NNT: variants seen among roughly 807,000 people sequenced by gnomAD.
NNT encodes the protein nicotinamide nucleotide transhydrogenase.
NNT carries 50 observed loss-of-function variants against 104.8 expected under a neutral mutation model. That is an observed-to-expected ratio of 0.48 (90% CI 0.38 to 0.60). The LOEUF is 0.60. Ranked by LOEUF, NNT falls within the 20% of genes least tolerant of loss-of-function variation. The probability of loss-of-function intolerance (pLI) is 0.00; values close to 1 mark genes in which losing one functional copy is unlikely to be tolerated. For missense variants in NNT, 1,131 were observed against 1,330.7 expected (o/e 0.85, Z 2.33); for synonymous variants, 461 against 490.4 (o/e 0.94, Z 0.79).
intron 2 of NNT, 27 bp from the exon 3 acceptor site, chr5:43,612,881 A>ATAT: frequency 7.4e-7 from 1 of 1,348,602 alleles, no homozygotes; most frequent in Admixed American, 1.9e-5. Context: ...CCAAATATAT[A>ATAT]TTTTTTTTGC....
At chr5:43,604,577 C>T (rs1749105314) in intron 1 of NNT, among the ~76,000 whole-genome samples, 5 of 152,188 alleles carry the variant, frequency 3.3e-5, no homozygotes, top group African/African-American at 1.2e-4. Context: ...ATACTGACTT[C>T]CTCTGTGTTG....
At chr5:43,666,298 G>A (rs1047108162) in intron 17 of NNT, among the ~76,000 whole-genome samples, 12 of 152,140 alleles carry the variant, frequency 7.9e-5, no homozygotes, top group African/African-American at 2.9e-4. Flanking sequence ...TCCAGCCTGG[G>A]CAACATTGAG....
chr5:43,683,753 A>T (rs935578110), intron 19 of NNT, among the ~76,000 whole-genome samples: 6 of 152,242 alleles, frequency 3.9e-5, no homozygotes, highest in African/African-American at 1.4e-4. Flanking sequence ...ATTTTAACTA[A>T]ATCTCTATAA....
intron 11 of NNT, 118 bp downstream of exon 11, chr5:43,649,426 T>A: frequency 8.4e-7 from 1 of 1,194,432 alleles, no homozygotes. Context: ...GGCATCTGAG[T>A]CATCTGCTTT....
intron 1 of NNT, among the ~76,000 whole-genome samples, chr5:43,603,921 C>T (rs1039778512): frequency 2.0e-5 from 3 of 152,056 alleles, no homozygotes; most frequent in African/African-American, 4.8e-5. Context: ...GCGGAGAGGG[C>T]GACCTGGGCA....
At chr5:43,618,707 C>A (rs560342300) in intron 4 of NNT, among the ~76,000 whole-genome samples, 6 of 152,246 alleles carry the variant, frequency 3.9e-5, no homozygotes, top group African/African-American at 1.4e-4. Flanking sequence ...TAAGAGAGTG[C>A]CTCTGTAGGC....
chr5:43,631,509 G>T (rs1035039902), intron 7 of NNT, among the ~76,000 whole-genome samples: 55 of 152,168 alleles, frequency 3.6e-4, no homozygotes, highest in African/African-American at 1.3e-3. Context: ...GATGTAACAA[G>T]TGGCCAGTAG....
intron 16 of NNT, among the ~76,000 whole-genome samples, chr5:43,657,193 T>C (rs1740100668): frequency 1.3e-5 from 2 of 152,166 alleles, no homozygotes; most frequent in Admixed American, 6.5e-5. Flanking sequence ...AGTAAGATAG[T>C]CTCTGCCCAC....
At chr5:43,610,482 A>G (rs989577695) in intron 2 of NNT, among the ~76,000 whole-genome samples, 1 of 152,116 alleles carries the variant, frequency 6.6e-6, no homozygotes, top group African/African-American at 2.4e-5. Context: ...TAAAAATGGC[A>G]TTTTCTTATT....
intron 6 of NNT, among the ~76,000 whole-genome samples, chr5:43,625,270 C>T (rs1750301007): frequency 6.6e-6 from 1 of 151,494 alleles, no homozygotes; most frequent in Non-Finnish European, 1.5e-5. Context: ...GGGTGAACTA[C>T]TGAGAATTTA....
At chr5:43,660,600 A>G (rs989393965) in intron 17 of NNT, among the ~76,000 whole-genome samples, 1 of 152,364 alleles carries the variant, frequency 6.6e-6, no homozygotes, top group Middle Eastern at 3.4e-3. Flanking sequence ...TATGAAGTAA[A>G]GAGGTTTAAT....
intron 16 of NNT, among the ~76,000 whole-genome samples, chr5:43,658,530 T>C (rs967612829): frequency 5.9e-5 from 9 of 152,200 alleles, no homozygotes; most frequent in Non-Finnish European, 1.3e-4. Context: ...TAAACTCAAA[T>C]TCCAAATTTT....
chr5:43,665,917 G>T (rs1158742973), intron 17 of NNT, among the ~76,000 whole-genome samples: 1 of 151,930 alleles, frequency 6.6e-6, no homozygotes, highest in Non-Finnish European at 1.5e-5. Flanking sequence ...CCCGGACGGG[G>T]TGGCGGCGGG....
At chr5:43,624,245 TA>T in intron 6 of NNT, 125 bp downstream of exon 6, 4 of 804,234 alleles carry the variant, frequency 5.0e-6, no homozygotes, top group South Asian at 4.6e-5. Context: ...TCTTTCCATT[TA>T]AAAATGTTTC....
chr5:43,627,757 A>G (rs906648338), intron 6 of NNT, among the ~76,000 whole-genome samples: 4 of 152,200 alleles, frequency 2.6e-5, no homozygotes, highest in Non-Finnish European at 5.9e-5. Context: ...TTATTAGAAT[A>G]ATTTTACATA....
At chr5:43,675,902 G>A (rs34361701) in intron 18 of NNT, among the ~76,000 whole-genome samples, 5,142 of 152,194 alleles carry the variant, frequency 0.034, 136 homozygotes, top group East Asian at 0.12. Context: ...TTCTAGCCAT[G>A]TCTTTCTGTG....
chr5:43,619,230 G>T lies in NNT; in HGVS notation c.687+111G>T, dbSNP rs925786551. The T allele has an allele frequency of 1.9e-5, 8 of 431,852 alleles. 1 individual carries two copies. The highest frequency in any genetic ancestry group is 9.4e-5 in the South Asian group (1 of 10,598). 26.8% of individuals were successfully genotyped at this position (431,852 alleles called of 1,614,324 possible). ...ATTTTTATATGTTAACCTCACTGAT[G>T]ACTTTTTGGTGTGTATAAATATTTC... On this transcript the variant is annotated intron_variant, in intron 5 of 21. Transcript: ENST00000344920.
At chr5:43,665,491 C>T (rs111796954) in intron 17 of NNT, among the ~76,000 whole-genome samples, 1,738 of 152,096 alleles carry the variant, frequency 0.011, 20 homozygotes, top group African/African-American at 0.039. Context: ...CTTGCACCGC[C>T]CTTAATCCAT....
At chr5:43,667,131 C>G (rs542969999) in intron 17 of NNT, 2 of 1,498,266 alleles carry the variant, frequency 1.3e-6, no homozygotes, top group East Asian at 2.3e-5. Flanking sequence ...TGGGGTCCAC[C>G]CCCTTAAGAG....
Sources: gnomAD v4.1 joint callset for allele counts (sites outside exome capture counted in the v4.1 genomes callset) on GRCh38, gnomAD v4.1.1 for gene constraint, MANE v1.5 for transcripts, NCBI Gene and HGNC (gene_info 2026-07-23, HGNC 2026-07-21) for gene names.